OR56A3: variants seen among roughly 807,000 people sequenced by gnomAD.
OR56A3 encodes the protein olfactory receptor 56A3.
A neutral mutation model predicts 17.5 loss-of-function variants in OR56A3; 23 were observed. The ratio of observed to expected loss-of-function variants is 1.32; its 90% CI spans 0.95 to 1.87. The LOEUF (loss-of-function observed/expected upper bound fraction) is 1.87. Ranked by LOEUF, OR56A3 falls within the 40% of genes most tolerant of loss-of-function variation. OR56A3 has a pLI of 0.00. For synonymous variants in OR56A3, 175 were observed against 150.6 expected, an observed-to-expected ratio of 1.16 and a Z score of -1.19; for missense variants, 366 against 380.1, an observed-to-expected ratio of 0.96 and a Z score of 0.31.
the OR56A3 span, among the ~76,000 whole-genome samples, chr11:6,015,412 G>A: frequency 6.6e-6 from 1 of 152,174 alleles, no homozygotes. Context: ...AGTGCAATAT[G>A]GGGTTGGAGC....
At chr11:5,990,129 GA>G in the OR56A3 span, among the ~76,000 whole-genome samples, 4 of 152,156 alleles carry the variant, frequency 2.6e-5, no homozygotes, top group Non-Finnish European at 5.9e-5. Flanking sequence ...AAAGAGCAGG[GA>G]CTCTGCATTA....
chr11:5,984,291 G>C, the OR56A3 span, among the ~76,000 whole-genome samples: 3 of 152,194 alleles, frequency 2.0e-5, no homozygotes, highest in African/African-American at 7.2e-5. Context: ...TGGAAGATCT[G>C]AGATGAAAAA....
At chr11:5,980,701 G>A in the OR56A3 span, among the ~76,000 whole-genome samples, 3,321 of 152,134 alleles carry the variant, frequency 0.022, 49 homozygotes, top group South Asian at 0.04. Flanking sequence ...ATTAATATAT[G>A]CAGATTTGAT....
the OR56A3 span, among the ~76,000 whole-genome samples, chr11:6,018,280 T>C: frequency 5.9e-5 from 9 of 152,126 alleles, no homozygotes; most frequent in East Asian, 1.2e-3. Context: ...CTGTAGAATA[T>C]ACATTCATCT....
the OR56A3 span, chr11:5,994,861 G>C: frequency 3.5e-3 from 2,630 of 760,764 alleles, 38 homozygotes; most frequent in African/African-American, 0.035. Flanking sequence ...CAGTCTCCAG[G>C]CTCCTCACTC....
the OR56A3 span, among the ~76,000 whole-genome samples, chr11:6,007,976 G>A: frequency 1.2e-4 from 18 of 152,116 alleles, no homozygotes; most frequent in East Asian, 7.7e-4. Flanking sequence ...TTTTTGTTTC[G>A]TAAGTGTGGT....
the OR56A3 span, among the ~76,000 whole-genome samples, chr11:5,985,235 G>A: frequency 2.2e-4 from 34 of 152,078 alleles, no homozygotes; most frequent in African/African-American, 7.0e-4. Context: ...AAACATATAC[G>A]CAGTACTTGG....
the OR56A3 span, chr11:5,994,987 C>T: frequency 1.5e-6 from 1 of 687,036 alleles, no homozygotes; most frequent in Non-Finnish European, 2.7e-6. Context: ...GCCCGGACCC[C>T]AAGCCACCTG....
the OR56A3 span, among the ~76,000 whole-genome samples, chr11:5,998,181 T>G: frequency 6.6e-6 from 1 of 152,132 alleles, no homozygotes; most frequent in Non-Finnish European, 1.5e-5. Flanking sequence ...ACTTTGAACT[T>G]CTCTCTCTGT....
the OR56A3 span, among the ~76,000 whole-genome samples, chr11:5,981,681 G>C: frequency 1.3e-5 from 2 of 152,150 alleles, no homozygotes; most frequent in East Asian, 1.9e-4. Flanking sequence ...ATCTCAGCCT[G>C]GTTAAGAACC....
At chr11:5,968,411 G>C in the OR56A3 span, 1 of 1,610,544 alleles carries the variant, frequency 6.2e-7, no homozygotes, top group Non-Finnish European at 8.5e-7. Flanking sequence ...GAGACAGCCA[G>C]TGCTGCCAGC....
chr11:5,980,716 T>C, the OR56A3 span, among the ~76,000 whole-genome samples: 1 of 152,134 alleles, frequency 6.6e-6, no homozygotes, highest in African/African-American at 2.4e-5. Flanking sequence ...TTTGATCCTA[T>C]CGTGTTTTTA....
At chr11:5,967,544 T>C in the OR56A3 span, 3 of 1,532,766 alleles carry the variant, frequency 2.0e-6, no homozygotes, top group Non-Finnish European at 2.6e-6. Flanking sequence ...GTTGCATTCA[T>C]TTTATTTTTT....
chr11:5,989,124 A>T, the OR56A3 span, among the ~76,000 whole-genome samples: 1 of 152,260 alleles, frequency 6.6e-6, no homozygotes, highest in Non-Finnish European at 1.5e-5. Flanking sequence ...ATCAACTTGA[A>T]ATAACAATGA....
the OR56A3 span, among the ~76,000 whole-genome samples, chr11:5,957,877 G>C: frequency 1.3e-4 from 20 of 152,132 alleles, no homozygotes; most frequent in Non-Finnish European, 1.3e-4. Flanking sequence ...AAAATTCCAA[G>C]AGAGTTCTAG....
At chr11:5,962,408 C>A in the OR56A3 span, among the ~76,000 whole-genome samples, 1 of 152,066 alleles carries the variant, frequency 6.6e-6, no homozygotes, top group Non-Finnish European at 1.5e-5. Context: ...TGACCTCTTA[C>A]AATGAATTTT....
chr11:5,970,968 A>G, the OR56A3 span, among the ~76,000 whole-genome samples: 2 of 152,228 alleles, frequency 1.3e-5, no homozygotes, highest in Non-Finnish European at 2.9e-5. Flanking sequence ...AAAAAGGAAA[A>G]TATTAACCAA....
chr11:5,970,168 G>A, the OR56A3 span, among the ~76,000 whole-genome samples: 2 of 152,162 alleles, frequency 1.3e-5, no homozygotes, highest in African/African-American at 2.4e-5. Flanking sequence ...TCATTTGAAA[G>A]TTAAAGAATT....
the OR56A3 span, among the ~76,000 whole-genome samples, chr11:5,979,445 T>C: frequency 1.3e-5 from 2 of 152,128 alleles, no homozygotes; most frequent in Non-Finnish European, 2.9e-5. Flanking sequence ...TCATTTAATC[T>C]TGGAAGGTCG....
Sources: gnomAD v4.1 joint callset for allele counts (sites outside exome capture counted in the v4.1 genomes callset) on GRCh38, gnomAD v4.1.1 for gene constraint, MANE v1.5 for transcripts, NCBI Gene and HGNC (gene_info 2026-07-23, HGNC 2026-07-21) for gene names.